PCMT1: variants seen among roughly 807,000 people sequenced by gnomAD.
PCMT1 encodes protein-L-isoaspartate (D-aspartate) O-methyltransferase, also known as protein-L-isoaspartate(D-aspartate) O-methyltransferase.
In PCMT1, 9 loss-of-function variants were observed where a neutral mutation model predicts 29.2. The ratio of observed to expected loss-of-function variants is 0.31; its 90% confidence interval spans 0.19 to 0.54. PCMT1 has a LOEUF of 0.54. PCMT1 is among the 20% of genes least tolerant of loss of function. The pLI is 0.95. For missense variants in PCMT1, 184 were observed against 282.2 expected (o/e 0.65, Z 2.49); for synonymous variants, 98 against 97.5 (o/e 1.00, Z -0.03).
At chr6:149,801,637 G>T (rs1315593636) in intron 6 of PCMT1, among the ~76,000 whole-genome samples, 2 of 151,872 alleles carry the variant, frequency 1.3e-5, no homozygotes, top group African/African-American at 4.8e-5. Flanking sequence ...TAGTAGAGTT[G>T]GAGTTTCACT....
chr6:149,770,447 C>T (rs1787265971), intron 1 of PCMT1, among the ~76,000 whole-genome samples: 1 of 152,150 alleles, frequency 6.6e-6, no homozygotes, highest in African/African-American at 2.4e-5. Flanking sequence ...CGGTGGCTCA[C>T]ACCTATAATC....
At chr6:149,751,396 C>T (rs377273668) in intron 1 of PCMT1, among the ~76,000 whole-genome samples, 2 of 151,570 alleles carry the variant, frequency 1.3e-5, no homozygotes, top group African/African-American at 4.9e-5. Context: ...CATTAAATGT[C>T]CGTTATATGC....
rs150997838 is a variant in PCMT1 at position 149,794,263 on chromosome 6, G to C, written c.418+594G>C. Among the ~76,000 whole-genome samples the C allele has an allele frequency of 1.7e-3, 262 of 152,266 alleles. 1 individual carries two copies. In the South Asian group the frequency reaches 0.036, roughly 21 times the overall value. ...TGTGTATGTGTGAGGTAAAGGTGCA[G>C]TTATATGTTTTTGTGTATGAATATC... is the stretch of plus-strand genomic sequence containing the variant. On this transcript the variant is annotated intron_variant, in intron 5 of 7. Coordinates refer to ENST00000464889, the MANE Select transcript of PCMT1 (RefSeq NM_001360452.2).
chr6:149,804,963 C>G (rs1364387030), intron 7 of PCMT1, among the ~76,000 whole-genome samples: 1 of 152,050 alleles, frequency 6.6e-6, no homozygotes, highest in Non-Finnish European at 1.5e-5. Context: ...AAAATAGGGC[C>G]AGGTATGGTG....
rs914094273 is a variant in PCMT1, at chr6:149,749,776, G to A, written c.-126G>A. 1.3e-6 allele frequency: 2 copies of A among 1,549,524 alleles called. No homozygotes were observed. Among genetic ancestry groups the A allele is most frequent in the Non-Finnish European group, 1.7e-6 (2 of 1,146,056 alleles). Reference sequence around the variant, plus strand: ...CAGCGGCGGCGACGGCAGTAACAGCGGCAGCTACAGCGGGGACGCGAGCGG... The same window carrying A: ...CAGCGGCGGCGACGGCAGTAACAGCAGCAGCTACAGCGGGGACGCGAGCGG... On this transcript the variant is annotated 5_prime_UTR_variant, in exon 1 of 8. Transcript: ENST00000464889.
intron 1 of PCMT1, among the ~76,000 whole-genome samples, chr6:149,755,688 A>G (rs113555072): frequency 0.016 from 2,388 of 152,264 alleles, 62 homozygotes; most frequent in African/African-American, 0.055. Flanking sequence ...TGTTTATGGA[A>G]TTTGTCATTT....
intron 7 of PCMT1, among the ~76,000 whole-genome samples, chr6:149,806,590 GTTTTA>G (rs1776021435): frequency 4.0e-5 from 6 of 151,876 alleles, no homozygotes; most frequent in African/African-American, 1.4e-4. Flanking sequence ...TTTTTGTTTT[GTTTTA>G]TTTTGTTTTG....
intron 1 of PCMT1, among the ~76,000 whole-genome samples, chr6:149,757,000 C>A (rs1786535708): frequency 6.6e-6 from 1 of 151,862 alleles, no homozygotes; most frequent in African/African-American, 2.4e-5. Context: ...ACTAAAAATA[C>A]AAAAATTAGC....
intron 7 of PCMT1, among the ~76,000 whole-genome samples, chr6:149,805,551 G>A (rs958629974): frequency 2.0e-5 from 3 of 151,724 alleles, no homozygotes; most frequent in African/African-American, 4.8e-5. Context: ...CTGAGATCGC[G>A]CCATTGCACT....
chr6:149,772,844 C>A (rs1267757574), intron 2 of PCMT1, among the ~76,000 whole-genome samples: 1 of 151,096 alleles, frequency 6.6e-6, no homozygotes. Flanking sequence ...GGTGAAACCC[C>A]GTCTCTACTA....
chr6:149,808,995 C>CTGTA (rs1439499481), intron 7 of PCMT1, among the ~76,000 whole-genome samples: 154 of 150,000 alleles, frequency 1.0e-3, no homozygotes, highest in African/African-American at 2.9e-3. Flanking sequence ...TGGCTCACAC[C>CTGTA]TGTAATCCCA....
chr6:149,749,746 G>A lies in PCMT1; in HGVS notation c.-156G>A. On this transcript the variant is annotated 5_prime_UTR_variant, in exon 1 of 8. Coordinates refer to ENST00000464889, the MANE Select transcript of PCMT1 (RefSeq NM_001360452.2). ...GCGGGGGATGCCGGGAGCGCGCAGT[G>A]GCGGCAGCGGCGGCGACGGCAGTAA... 1 of 1,544,758 alleles carries A rather than the reference G, an allele frequency of 6.5e-7. No homozygotes were observed. The highest frequency in any genetic ancestry group is 8.7e-7 in the Non-Finnish European group (1 of 1,144,176).
intron 5 of PCMT1, chr6:149,795,153 A>C: frequency 3.2e-6 from 1 of 308,868 alleles, no homozygotes. Context: ...AGATCACGCC[A>C]TTGCACTCTA....
At chr6:149,760,118 G>A (rs1786677643) in intron 1 of PCMT1, among the ~76,000 whole-genome samples, 1 of 151,924 alleles carries the variant, frequency 6.6e-6, no homozygotes, top group African/African-American at 2.4e-5. Context: ...TTTTTTCCTA[G>A]TGTACTGATT....
chr6:149,771,265 A>G lies in PCMT1; in HGVS notation c.159A>G (p.Ile53Met). 6.4e-7 allele frequency: 1 copy of G among 1,554,208 alleles called. No individual in the cohort carries two copies. The highest frequency in any genetic ancestry group is 8.9e-7 in the Non-Finnish European group (1 of 1,128,256). The change falls in exon 2 of 8, where the codon ATA becomes ATG. Residue 53 changes from isoleucine to methionine, a missense_variant and splice_region_variant. Coordinates refer to ENST00000464889, the MANE Select transcript of PCMT1 (RefSeq NM_001360452.2). ...CATACATGGATTCTCCACAATCAAT[A>G]GGTAAGCTTTAGATTTCTGAAAATA... ...CNPYMDSPQS[I>M]GFQATISAPH...
At position 149,749,804 on chromosome 6, in the gene PCMT1, C is replaced by T. The variant is rs1786225870; in HGVS notation, c.-98C>T. The T allele has an allele frequency of 5.8e-6, 9 of 1,552,568 alleles. No individual in the cohort carries two copies. The highest frequency in any genetic ancestry group is 1.7e-4 in the Middle Eastern group (1 of 5,974). On this transcript the variant is annotated 5_prime_UTR_variant, in exon 1 of 8. Transcript: ENST00000464889. Reference sequence around the variant, plus strand: ...AGCTACAGCGGGGACGCGAGCGGGGCGGTGACGGTGTGGGAGGTGGTCTCA... The same window carrying T: ...AGCTACAGCGGGGACGCGAGCGGGGTGGTGACGGTGTGGGAGGTGGTCTCA...
In PCMT1 at chr6:149,779,811, CA is replaced by C. The variant is rs60563679; in HGVS notation, c.192+6654del. On this transcript the variant is annotated intron_variant, in intron 3 of 7. Transcript: ENST00000464889. ...TGGGCAAAAGATCAAAACTCTGACT[CA>C]AAAAAAAAAAAGAAGTATGAATGCT... 5.2e-3 allele frequency among the ~76,000 whole-genome samples: 689 copies of C among 133,222 alleles called. 3 individuals are homozygous for C. The highest frequency in any genetic ancestry group is 0.014 in the African/African-American group (519 of 36,172). The allele number at this position is 133,222 out of a possible 152,430, so 87.4% of individuals were successfully genotyped here. A position where few individuals can be genotyped will look rare whatever the true frequency, so the allele number is the denominator to read the frequency against.
intron 1 of PCMT1, among the ~76,000 whole-genome samples, chr6:149,753,264 A>C (rs765651946): frequency 2.6e-5 from 4 of 152,190 alleles, no homozygotes; most frequent in Non-Finnish European, 4.4e-5. Context: ...AAAATATAAA[A>C]ATGTGATTGT....
chr6:149,749,787 CG>C lies in PCMT1; in HGVS notation c.-111del. 6.4e-7 allele frequency: 1 copy of C among 1,551,032 alleles called. No homozygotes were observed. Among genetic ancestry groups the C allele is most frequent in the Non-Finnish European group, 8.7e-7 (1 of 1,146,732 alleles). Reference sequence around the variant, plus strand: ...ACGGCAGTAACAGCGGCAGCTACAGCGGGGACGCGAGCGGGGCGGTGACGGT... The same window carrying C: ...ACGGCAGTAACAGCGGCAGCTACAGCGGGACGCGAGCGGGGCGGTGACGGT... On this transcript the variant is annotated 5_prime_UTR_variant, in exon 1 of 8. Transcript: ENST00000464889.
Sources: gnomAD v4.1 joint callset for allele counts (sites outside exome capture counted in the v4.1 genomes callset) on GRCh38, gnomAD v4.1.1 for gene constraint, MANE v1.5 for transcripts, NCBI Gene and HGNC (gene_info 2026-07-23, HGNC 2026-07-21) for gene names.